ASAP2: variants seen among roughly 807,000 people sequenced by gnomAD.
ASAP2 encodes the protein arf-GAP with SH3 domain, ANK repeat and PH domain-containing protein 2.
In ASAP2, 45 loss-of-function variants were observed where a neutral mutation model predicts 131.4. The observed-to-expected ratio is 0.34, with a 90% CI of 0.27 to 0.44. The LOEUF (loss-of-function observed/expected upper bound fraction) is 0.44. Among genes scored for constraint, ASAP2 ranks in the 20% least tolerant of loss-of-function variants. The pLI is 1.00. For missense variants in ASAP2, 1,011 were observed against 1,297.0 expected, an observed-to-expected ratio of 0.78 and a Z score of 3.39; for synonymous variants, 510 against 503.0, an observed-to-expected ratio of 1.01 and a Z score of -0.19.
chr2:9,257,679 C>T (rs547986742), intron 1 of ASAP2, among the ~76,000 whole-genome samples: 27 of 152,232 alleles, frequency 1.8e-4, no homozygotes, highest in Middle Eastern at 3.4e-3. Flanking sequence ...CCACCATGCC[C>T]GGCTAATTTT....
At chr2:9,365,951 G>T (rs1245469357) in intron 15 of ASAP2, among the ~76,000 whole-genome samples, 1 of 152,120 alleles carries the variant, frequency 6.6e-6, no homozygotes, top group Non-Finnish European at 1.5e-5. Flanking sequence ...CCTCCATCCA[G>T]TCTGGCTCAA....
In ASAP2 at chr2:9,207,137, G is replaced by A; in HGVS notation, c.33G>A (p.Val11=). The A allele has an allele frequency of 6.3e-7, 1 of 1,599,760 alleles. No homozygotes were observed. The highest frequency in any genetic ancestry group is 8.5e-7 in the Non-Finnish European group (1 of 1,174,114). MPDQISVSEF[V]AETHEDYKAP... ...ACCAGATCTCCGTGTCGGAATTCGT[G>A]GCCGAGACCCATGAGGACTACAAGG... Residue 11 remains valine (V), a synonymous_variant, in exon 1 of 28, where the codon GTG becomes GTA. Transcript: ENST00000281419. This position sits in a 1 kb window ranked among gnomAD's most constrained non-coding sequence, Gnocchi z 4.1.
At chr2:9,318,410 AG>A (rs1200878151) in intron 3 of ASAP2, 113 bp from the exon 4 acceptor site, 71 of 745,034 alleles carry the variant, frequency 9.5e-5, no homozygotes, top group Non-Finnish European at 1.5e-4. Context: ...TGCACCGGCC[AG>A]GTTTTAGGTG....
intron 1 of ASAP2, among the ~76,000 whole-genome samples, chr2:9,264,964 C>T (rs886949246): frequency 5.9e-5 from 9 of 151,990 alleles, no homozygotes; most frequent in Admixed American, 2.6e-4. Context: ...CATAGGGAGA[C>T]GTCTCTGCAA....
chr2:9,222,904 C>G (rs1358306545), intron 1 of ASAP2, among the ~76,000 whole-genome samples: 1 of 152,088 alleles, frequency 6.6e-6, no homozygotes, highest in Non-Finnish European at 1.5e-5. Context: ...TTAAAATTCT[C>G]CTCTCCTCCT....
At chr2:9,295,846 A>G (rs1668118701) in intron 2 of ASAP2, among the ~76,000 whole-genome samples, 1 of 152,206 alleles carries the variant, frequency 6.6e-6, no homozygotes, top group African/African-American at 2.4e-5. Flanking sequence ...CCCAAATGCC[A>G]CTGGAGGTCA....
At chr2:9,240,472 C>G (rs144849035) in intron 1 of ASAP2, among the ~76,000 whole-genome samples, 19 of 152,136 alleles carry the variant, frequency 1.2e-4, no homozygotes, top group Non-Finnish European at 2.5e-4. Flanking sequence ...TCTCAAACTC[C>G]TGGACTGGAG....
intron 18 of ASAP2, among the ~76,000 whole-genome samples, chr2:9,377,981 C>T (rs564753997): frequency 5.3e-5 from 8 of 152,146 alleles, no homozygotes; most frequent in Admixed American, 2.6e-4. Context: ...GATGCCTCTC[C>T]CTCCATGCAC....
chr2:9,372,569 A>G (rs1674061754), intron 16 of ASAP2, among the ~76,000 whole-genome samples: 1 of 152,232 alleles, frequency 6.6e-6, no homozygotes, highest in East Asian at 1.9e-4. Context: ...AAACTTTTGA[A>G]TAAAGGCCCA....
intron 3 of ASAP2, among the ~76,000 whole-genome samples, chr2:9,314,922 CAAAAAA>C (rs34360769): frequency 1.2e-4 from 12 of 102,328 alleles, no homozygotes; most frequent in Admixed American, 2.2e-4. Context: ...GACTCCATCT[CAAAAAA>C]AAAAAAAAAA....
intron 19 of ASAP2, 147 bp from the exon 20 acceptor site, chr2:9,380,594 C>G: frequency 1.3e-6 from 1 of 794,334 alleles, no homozygotes; most frequent in South Asian, 1.4e-5. Context: ...CATTCAGCCT[C>G]GACTAGGTCA....
In ASAP2 at chr2:9,207,320, T is replaced by C. The variant is rs996793424; in HGVS notation, c.126+90T>C. 1 of 1,418,754 alleles carries C rather than the reference T, an allele frequency of 7.0e-7. No individual in the cohort carries two copies. Among genetic ancestry groups the C allele is most frequent in the Non-Finnish European group, 9.2e-7 (1 of 1,084,998 alleles). The allele number at this position is 1,418,754 out of a possible 1,614,324, so 87.9% of individuals were successfully genotyped here. ...CCGCATCCGCATCCCGAGAAAACTT[T>C]CTTTGCTCCGAAGCCGGACGCGGCC... On this transcript the variant is annotated intron_variant, in intron 1 of 27. Transcript: ENST00000281419. The surrounding 1 kb of genome is among the most constrained non-coding windows in gnomAD (Gnocchi z 4.1).
intron 15 of ASAP2, among the ~76,000 whole-genome samples, chr2:9,359,094 A>G (rs890956222): frequency 6.6e-6 from 1 of 152,228 alleles, no homozygotes; most frequent in Non-Finnish European, 1.5e-5. Context: ...TTATTCTTAA[A>G]TGAATAAAGG....
At chr2:9,362,162 G>C (rs1024491369) in intron 15 of ASAP2, among the ~76,000 whole-genome samples, 1 of 152,202 alleles carries the variant, frequency 6.6e-6, no homozygotes, top group African/African-American at 2.4e-5. Flanking sequence ...CTGGTTGTCT[G>C]TTCTTACGAA....
chr2:9,284,625 G>C (rs1449585326), intron 2 of ASAP2, among the ~76,000 whole-genome samples: 1 of 152,176 alleles, frequency 6.6e-6, no homozygotes, highest in Non-Finnish European at 1.5e-5. Flanking sequence ...ACATGAAAAA[G>C]TGCCATGCAT....
At chr2:9,245,983 G>A (rs1324820271) in intron 1 of ASAP2, among the ~76,000 whole-genome samples, 1 of 152,208 alleles carries the variant, frequency 6.6e-6, no homozygotes, top group African/African-American at 2.4e-5. Context: ...GCATACGATG[G>A]GGATGGCTAT....
At position 9,217,480 on chromosome 2, in the gene ASAP2, A is replaced by G. The variant is rs1662130108; in HGVS notation, c.126+10250A>G. Among the ~76,000 whole-genome samples, 1 of 152,214 alleles carries G rather than the reference A, an allele frequency of 6.6e-6. No homozygotes were observed. The highest frequency in any genetic ancestry group is 1.5e-5 in the Non-Finnish European group (1 of 68,040). On this transcript the variant is annotated intron_variant, in intron 1 of 27. Coordinates refer to ENST00000281419, the MANE Select transcript of ASAP2 (RefSeq NM_003887.3). This position sits in a 1 kb window ranked among gnomAD's most constrained non-coding sequence, Gnocchi z 4.0. Reference sequence around the variant, plus strand: ...GATGGCTTTGTCAATAAAATCAGGCAGTTGATGAAGACAGTTCCCTCTCAT... The same window carrying G: ...GATGGCTTTGTCAATAAAATCAGGCGGTTGATGAAGACAGTTCCCTCTCAT...
At chr2:9,303,839 C>T (rs1186942865) in intron 3 of ASAP2, among the ~76,000 whole-genome samples, 1 of 152,138 alleles carries the variant, frequency 6.6e-6, no homozygotes, top group Non-Finnish European at 1.5e-5. Context: ...GATACGGTAA[C>T]CCCCATACAG....
At chr2:9,300,302 T>C (rs144914923) in intron 3 of ASAP2, among the ~76,000 whole-genome samples, 135 of 152,356 alleles carry the variant, frequency 8.9e-4, no homozygotes, top group African/African-American at 2.9e-3. Context: ...GCAGGCCCAC[T>C]TGGAGCACTC....
Sources: allele counts gnomAD v4.1 joint callset (sites outside exome capture counted in the v4.1 genomes callset), GRCh38; gene constraint gnomAD v4.1.1; non-coding constraint Gnocchi (gnomAD v3.1); transcripts MANE v1.5; gene names NCBI Gene and HGNC (gene_info 2026-07-23, HGNC 2026-07-21).